MMP16: variants seen among roughly 807,000 people sequenced by gnomAD.
MMP16 encodes the protein matrix metalloproteinase-16.
Under a neutral mutation model 67.8 loss-of-function variants are expected in MMP16, and 12 were observed. The observed-to-expected ratio is 0.18, with a 90% CI of 0.11 to 0.29. The LOEUF is 0.29. Ranked by LOEUF, MMP16 falls within the 10% of genes least tolerant of loss-of-function variation. MMP16 has a pLI of 1.00. For missense variants in MMP16, 475 were observed against 765.7 expected (o/e 0.62, Z 4.48); for synonymous variants, 249 against 255.9 (o/e 0.97, Z 0.26).
intron 6 of MMP16, among the ~76,000 whole-genome samples, chr8:88,114,814 G>A (rs1278641009): frequency 6.6e-6 from 1 of 151,972 alleles, no homozygotes; most frequent in Non-Finnish European, 1.5e-5. Context: ...TAAGGAAGCA[G>A]GCCTTAGTTA....
chr8:88,149,010 G>T (rs1563545972), intron 4 of MMP16, among the ~76,000 whole-genome samples: 4 of 152,296 alleles, frequency 2.6e-5, no homozygotes, highest in Admixed American at 2.0e-4. Flanking sequence ...GCGCGCACCG[G>T]GCGCGAGCCA....
intron 7 of MMP16, among the ~76,000 whole-genome samples, chr8:88,063,673 G>T (rs1161213193): frequency 1.3e-5 from 2 of 151,970 alleles, no homozygotes; most frequent in Non-Finnish European, 2.9e-5. Context: ...AAGAAGTGGT[G>T]TGTCTAAAGC....
intron 6 of MMP16, among the ~76,000 whole-genome samples, chr8:88,110,809 T>C (rs1292648062): frequency 6.6e-6 from 1 of 151,700 alleles, no homozygotes; most frequent in Non-Finnish European, 1.5e-5. Flanking sequence ...ATTTTAAAAA[T>C]AATTTCAAAT....
chr8:88,304,336 G>C (rs1169141533), intron 1 of MMP16, among the ~76,000 whole-genome samples: 5 of 152,184 alleles, frequency 3.3e-5, no homozygotes, highest in Non-Finnish European at 5.9e-5. Flanking sequence ...ATATATAAAA[G>C]AGAGGTGGAG....
chr8:88,214,910 C>T (rs572833977), intron 1 of MMP16, among the ~76,000 whole-genome samples: 2 of 152,294 alleles, frequency 1.3e-5, no homozygotes, highest in South Asian at 4.1e-4. Flanking sequence ...AAGGAGAGAA[C>T]ACAGAATAAG....
intron 4 of MMP16, among the ~76,000 whole-genome samples, chr8:88,126,786 A>G (rs1807940177): frequency 1.3e-5 from 2 of 151,902 alleles, no homozygotes; most frequent in Non-Finnish European, 2.9e-5. Flanking sequence ...ACCTCTCTGC[A>G]ATTCAGTTTC....
intron 1 of MMP16, among the ~76,000 whole-genome samples, chr8:88,306,666 C>A (rs1811216208): frequency 6.6e-6 from 1 of 152,128 alleles, no homozygotes. Flanking sequence ...TACACACAAC[C>A]AAAGACAAAA....
intron 3 of MMP16, among the ~76,000 whole-genome samples, chr8:88,183,340 G>GA (rs1314593847): frequency 6.6e-6 from 1 of 152,134 alleles, no homozygotes; most frequent in African/African-American, 2.4e-5. Flanking sequence ...GTAACTCTGT[G>GA]AACTCTCTGT....
chr8:88,298,936 G>A (rs1320555260), intron 1 of MMP16, among the ~76,000 whole-genome samples: 1 of 151,536 alleles, frequency 6.6e-6, no homozygotes, highest in Non-Finnish European at 1.5e-5. Flanking sequence ...AAAAAAGTGG[G>A]TAAAATTGTC....
chr8:88,151,834 G>C (rs1385198309), intron 4 of MMP16, among the ~76,000 whole-genome samples: 60 of 131,768 alleles, frequency 4.6e-4, no homozygotes, highest in African/African-American at 1.6e-3. Flanking sequence ...ACATTCAAAA[G>C]CTAGCAGAAG....
At chr8:88,177,807 T>C (rs558473314) in intron 3 of MMP16, among the ~76,000 whole-genome samples, 1 of 152,222 alleles carries the variant, frequency 6.6e-6, no homozygotes, top group Admixed American at 6.5e-5. Flanking sequence ...ACAGCTCAGA[T>C]ACTCAGACCC....
chr8:88,114,980 T>C (rs1809404173), intron 6 of MMP16, among the ~76,000 whole-genome samples: 1 of 151,950 alleles, frequency 6.6e-6, no homozygotes, highest in African/African-American at 2.4e-5. Context: ...ACTTTTACAA[T>C]GTGCAGAGCA....
At chr8:88,320,988 C>G (rs1057042273) in intron 1 of MMP16, among the ~76,000 whole-genome samples, 5 of 151,992 alleles carry the variant, frequency 3.3e-5, no homozygotes, top group African/African-American at 9.7e-5. Context: ...TCATGAAGAA[C>G]CTCAAAATCT....
intron 1 of MMP16, among the ~76,000 whole-genome samples, chr8:88,224,653 G>C (rs1809739515): frequency 6.6e-6 from 1 of 152,028 alleles, no homozygotes; most frequent in African/African-American, 2.4e-5. Context: ...ACCTATGCTT[G>C]AACTGAATAA....
At chr8:88,148,974 C>T (rs910233491) in intron 4 of MMP16, among the ~76,000 whole-genome samples, 8 of 152,304 alleles carry the variant, frequency 5.3e-5, no homozygotes, top group African/African-American at 1.9e-4. Context: ...TAGGGAGTGC[C>T]AGACAGTGGG....
chr8:88,121,324 CA>C (rs1425871515), intron 4 of MMP16, among the ~76,000 whole-genome samples: 1 of 151,936 alleles, frequency 6.6e-6, no homozygotes, highest in East Asian at 1.9e-4. Flanking sequence ...GAGTACTCTA[CA>C]GCACTTTTAA....
intron 1 of MMP16, among the ~76,000 whole-genome samples, chr8:88,301,487 A>G (rs1811098168): frequency 6.6e-6 from 1 of 152,198 alleles, no homozygotes; most frequent in Admixed American, 6.5e-5. Flanking sequence ...AAGACATGTA[A>G]GAAGCTGATT....
chr8:88,090,658 A>T (rs1808918526), intron 6 of MMP16, among the ~76,000 whole-genome samples: 1 of 151,306 alleles, frequency 6.6e-6, no homozygotes, highest in Admixed American at 6.6e-5. Context: ...AATTAAAAAA[A>T]TTACTTTAAT....
intron 2 of MMP16, among the ~76,000 whole-genome samples, chr8:88,196,955 A>C (rs2129780746): frequency 6.6e-6 from 1 of 152,306 alleles, no homozygotes; most frequent in East Asian, 1.9e-4. Context: ...TGTTGCTAAA[A>C]TCAGGTAAGC....
Sources: allele counts gnomAD v4.1 joint callset (sites outside exome capture counted in the v4.1 genomes callset), GRCh38; gene constraint gnomAD v4.1.1; transcripts MANE v1.5; gene names NCBI Gene and HGNC (gene_info 2026-07-23, HGNC 2026-07-21).